Variants in ERBIN observed in about 807,000 individuals in gnomAD.
ERBIN encodes densin-180-like protein.
ERBIN carries 60 observed loss-of-function variants against 158.4 expected under a neutral mutation model. The ratio of observed to expected loss-of-function variants is 0.38; its 90% CI spans 0.31 to 0.47. The LOEUF is 0.47. ERBIN is among the 20% of genes least tolerant of loss of function. The pLI, the probability that ERBIN is intolerant of heterozygous loss-of-function variation, is 0.99. For synonymous variants in ERBIN, 594 were observed against 557.2 expected (o/e 1.07, Z -0.93); for missense variants, 1,610 against 1,648.0 (o/e 0.98, Z 0.40).
intron 1 of ERBIN, among the ~76,000 whole-genome samples, chr5:65,929,097 A>T (rs1233282657): frequency 3.9e-5 from 6 of 152,180 alleles, no homozygotes; most frequent in African/African-American, 1.4e-4. Flanking sequence ...AACTATTGTA[A>T]ACTTTATGTA....
At chr5:65,954,102 GTAA>G (rs771859245) in intron 1 of ERBIN, among the ~76,000 whole-genome samples, 4 of 152,176 alleles carry the variant, frequency 2.6e-5, no homozygotes, top group Admixed American at 6.5e-5. Flanking sequence ...TGACAGTTGG[GTAA>G]TAATGATGTG....
chr5:66,058,758 A>T (rs1253231132), intron 21 of ERBIN, among the ~76,000 whole-genome samples: 1 of 150,108 alleles, frequency 6.7e-6, no homozygotes, highest in Non-Finnish European at 1.5e-5. Context: ...CCATATGGCT[A>T]GCCAGTTTTC....
chr5:66,049,756 A>G (rs1458554858), intron 19 of ERBIN, among the ~76,000 whole-genome samples: 1 of 152,026 alleles, frequency 6.6e-6, no homozygotes, highest in Non-Finnish European at 1.5e-5. Context: ...TATATACACT[A>G]TTTCTGTGAT....
At chr5:66,007,404 G>A (rs531025030) in intron 4 of ERBIN, among the ~76,000 whole-genome samples, 2 of 126,052 alleles carry the variant, frequency 1.6e-5, no homozygotes, top group East Asian at 2.1e-4. Flanking sequence ...TTGGGGGAGC[G>A]GGGAGGGGAT....
chr5:66,020,965 ATTAT>A (rs1006203141), intron 7 of ERBIN, among the ~76,000 whole-genome samples: 5 of 151,956 alleles, frequency 3.3e-5, no homozygotes, highest in African/African-American at 1.2e-4. Context: ...TATGGTAGTA[ATTAT>A]TATACATCTG....
rs142892262 is a variant in ERBIN at position 66,025,484 on chromosome 5, G to A, written c.822G>A (p.Ser274=). 373 of 1,609,626 alleles carry A rather than the reference G, an allele frequency of 2.3e-4. No individual in the cohort carries two copies. The African/African-American group carries it at 4.4e-3, about 19-fold the overall frequency. Residue 274 remains serine, a synonymous_variant, in exon 11 of 26, where the codon TCG becomes TCA. Coordinates refer to ENST00000284037, the MANE Select transcript of ERBIN (RefSeq NM_001253697.2). The part of the protein sequence containing the change: ...SLQQLPETIG[S]LKNITTLKID... ...TGTTGTTTCTTCCCTCATTAGGTTC[G>A]TTGAAGAATATAACAACGCTTAAAA... is the stretch of plus-strand genomic sequence containing the variant.
At chr5:65,939,409 C>G (rs908116281) in intron 1 of ERBIN, among the ~76,000 whole-genome samples, 2 of 152,152 alleles carry the variant, frequency 1.3e-5, no homozygotes, top group African/African-American at 4.8e-5. Context: ...TGCATTCCAG[C>G]CTGGGCAACA....
At chr5:65,962,548 A>G (rs1480449761) in intron 1 of ERBIN, among the ~76,000 whole-genome samples, 1 of 152,192 alleles carries the variant, frequency 6.6e-6, no homozygotes, top group Non-Finnish European at 1.5e-5. Context: ...TGGTATATTT[A>G]TATTTAGACA....
intron 1 of ERBIN, among the ~76,000 whole-genome samples, chr5:65,984,107 A>G (rs1395700765): frequency 1.4e-5 from 2 of 144,152 alleles, no homozygotes; most frequent in African/African-American, 5.9e-5. Context: ...TCCATGGAGC[A>G]GCTGGTCCTA....
At chr5:65,971,404 G>A (rs1749230387) in intron 1 of ERBIN, among the ~76,000 whole-genome samples, 1 of 151,952 alleles carries the variant, frequency 6.6e-6, no homozygotes, top group African/African-American at 2.4e-5. Context: ...AAATAATGGA[G>A]GATCATATTT....
intron 1 of ERBIN, among the ~76,000 whole-genome samples, chr5:65,983,749 C>G (rs1227617674): frequency 2.6e-5 from 4 of 152,206 alleles, no homozygotes; most frequent in African/African-American, 9.7e-5. Flanking sequence ...CAGAGTGCAG[C>G]CTTGCCATGG....
At chr5:66,030,771 A>T (rs889421315) in intron 14 of ERBIN, among the ~76,000 whole-genome samples, 6 of 151,432 alleles carry the variant, frequency 4.0e-5, no homozygotes, top group African/African-American at 1.5e-4. Flanking sequence ...AGATCTCATG[A>T]TATTGCCCAG....
At chr5:66,037,243 G>C (rs1049714606) in intron 14 of ERBIN, among the ~76,000 whole-genome samples, 2 of 152,062 alleles carry the variant, frequency 1.3e-5, no homozygotes, top group Admixed American at 6.6e-5. Flanking sequence ...AAAGAGCCAG[G>C]AATAGATGAA....
intron 1 of ERBIN, among the ~76,000 whole-genome samples, chr5:65,981,608 G>A (rs1356233771): frequency 6.6e-6 from 1 of 151,784 alleles, no homozygotes; most frequent in Non-Finnish European, 1.5e-5. Context: ...GGATAAAAAG[G>A]AAATAACTAT....
At chr5:65,976,968 T>G (rs1325523566) in intron 1 of ERBIN, among the ~76,000 whole-genome samples, 1 of 152,036 alleles carries the variant, frequency 6.6e-6, no homozygotes, top group African/African-American at 2.4e-5. Context: ...TCCCCACCTT[T>G]CCCCTCTTTC....
chr5:65,954,951 G>A (rs1391730335), intron 1 of ERBIN, among the ~76,000 whole-genome samples: 1 of 152,016 alleles, frequency 6.6e-6, no homozygotes, highest in African/African-American at 2.4e-5. Context: ...TGTAATCCCA[G>A]CTACTCAGGA....
At chr5:65,984,658 G>A (rs1171677732) in intron 1 of ERBIN, 2 of 152,312 alleles carry the variant, frequency 1.3e-5, no homozygotes, top group Non-Finnish European at 2.9e-5. Context: ...AATAGATAAA[G>A]TGCTGAGCAA....
At chr5:66,061,702 T>C (rs546522461) in intron 21 of ERBIN, among the ~76,000 whole-genome samples, 2 of 152,346 alleles carry the variant, frequency 1.3e-5, no homozygotes, top group East Asian at 1.9e-4. Flanking sequence ...TTTCCATGTT[T>C]AGTGCTTCCT....
At chr5:65,969,992 A>G (rs1334836733) in intron 1 of ERBIN, among the ~76,000 whole-genome samples, 1 of 152,140 alleles carries the variant, frequency 6.6e-6, no homozygotes, top group East Asian at 1.9e-4. Flanking sequence ...TTCTCTTTTT[A>G]AAGACCTGGT....
Sources: allele counts gnomAD v4.1 joint callset (sites outside exome capture counted in the v4.1 genomes callset), GRCh38; gene constraint gnomAD v4.1.1; transcripts MANE v1.5; gene names NCBI Gene and HGNC (gene_info 2026-07-23, HGNC 2026-07-21).